PDE4D: variants seen among roughly 807,000 people sequenced by gnomAD.
PDE4D encodes 3',5'-cyclic-AMP phosphodiesterase 4D.
Under a neutral mutation model 87.4 loss-of-function variants are expected in PDE4D, and 24 were observed. The observed-to-expected ratio is 0.27, with a 90% CI of 0.20 to 0.39. The LOEUF is 0.39. Ranked by LOEUF, PDE4D falls within the 10% of genes least tolerant of loss-of-function variation. PDE4D has a pLI of 1.00. For missense variants in PDE4D, 714 were observed against 1,041.0 expected, an observed-to-expected ratio of 0.69 and a Z score of 4.32; for synonymous variants, 384 against 383.2, an observed-to-expected ratio of 1.00 and a Z score of -0.02.
chr5:59,634,303 C>A (rs1294973196), intron 1 of PDE4D, among the ~76,000 whole-genome samples: 1 of 152,174 alleles, frequency 6.6e-6, no homozygotes, highest in Non-Finnish European at 1.5e-5. Flanking sequence ...TTTAACACCC[C>A]ACTGTCAATA....
intron 1 of PDE4D, among the ~76,000 whole-genome samples, chr5:59,222,841 A>G (rs1473109346): frequency 1.3e-5 from 2 of 152,216 alleles, no homozygotes; most frequent in Admixed American, 1.3e-4. Flanking sequence ...ACCTAGCTCT[A>G]GGGCCATTAT....
At chr5:59,257,169 T>C (rs1161666312) in intron 1 of PDE4D, among the ~76,000 whole-genome samples, 1 of 152,086 alleles carries the variant, frequency 6.6e-6, no homozygotes, top group African/African-American at 2.4e-5. Flanking sequence ...TTTTGCTGTT[T>C]TGTGACCAAA....
At chr5:59,289,237 T>C (rs543329547) in intron 1 of PDE4D, among the ~76,000 whole-genome samples, 1 of 152,250 alleles carries the variant, frequency 6.6e-6, no homozygotes, top group African/African-American at 2.4e-5. Flanking sequence ...GTTTTCCCTT[T>C]GCTTGTTAGT....
chr5:60,353,929 C>T (rs913396228), intron 1 of PDE4D, among the ~76,000 whole-genome samples: 1 of 152,036 alleles, frequency 6.6e-6, no homozygotes, highest in Non-Finnish European at 1.5e-5. Context: ...CCACCATTCA[C>T]GGGATCATAT....
intron 5 of PDE4D, among the ~76,000 whole-genome samples, chr5:59,116,768 T>G (rs1321353471): frequency 6.6e-6 from 1 of 151,998 alleles, no homozygotes; most frequent in East Asian, 1.9e-4. Context: ...GAACAAGGAA[T>G]GGTGGGGGTG....
chr5:60,057,102 T>C lies in PDE4D; in HGVS notation c.43-68385A>G, dbSNP rs529194757. ...TCTTGAGTTCTTCTATTGGCTCAGGTATATAATTTCATGCCCACTTATATT... is the reference window on the plus strand; with the variant it reads ...TCTTGAGTTCTTCTATTGGCTCAGGCATATAATTTCATGCCCACTTATATT... On this transcript the variant is annotated intron_variant, in intron 2 of 16. Coordinates refer to the PDE4D transcript ENST00000502484. Among the ~76,000 whole-genome samples the C allele has an allele frequency of 2.0e-5, 3 of 152,170 alleles. No homozygotes were observed. The South Asian group carries it at 6.2e-4, about 32-fold the overall frequency.
chr5:60,045,847 C>T (rs979141102), intron 2 of PDE4D, among the ~76,000 whole-genome samples: 4 of 152,134 alleles, frequency 2.6e-5, no homozygotes, highest in Non-Finnish European at 2.9e-5. Context: ...GTGATGCGGG[C>T]TCTTTTATGG....
At chr5:60,458,591 T>G (rs1746672440) in intron 1 of PDE4D, among the ~76,000 whole-genome samples, 1 of 152,070 alleles carries the variant, frequency 6.6e-6, no homozygotes, top group South Asian at 2.1e-4. Flanking sequence ...AGAAGAGAAT[T>G]AAAATATATC....
chr5:60,049,130 T>G (rs186304953), intron 2 of PDE4D, among the ~76,000 whole-genome samples: 151 of 152,346 alleles, frequency 9.9e-4, no homozygotes, highest in African/African-American at 3.5e-3. Context: ...CTTCCATCGC[T>G]GATACCTTTT....
chr5:59,768,199 C>G, intron 1 of PDE4D: 1 of 1,588,648 alleles, frequency 6.3e-7, no homozygotes, highest in South Asian at 1.1e-5. Context: ...AGCAGGACTC[C>G]CTGAAGGGAA....
At chr5:59,163,272 A>G (rs1266972398) in intron 5 of PDE4D, among the ~76,000 whole-genome samples, 1 of 107,864 alleles carries the variant, frequency 9.3e-6, no homozygotes, top group Admixed American at 1.1e-4. Context: ...TTAAATGAAC[A>G]ATCTTTTTTT....
intron 1 of PDE4D, among the ~76,000 whole-genome samples, chr5:60,304,651 C>CAAAAGAAAAAAAAAAAAA (rs1754299726): frequency 1.7e-5 from 1 of 60,086 alleles, no homozygotes; most frequent in African/African-American, 7.8e-5. Context: ...GACTCCGTCT[C>CAAAAGAAAAAAAAAAAAA]AAAAAAAAAA....
intron 1 of PDE4D, among the ~76,000 whole-genome samples, chr5:59,532,958 C>T (rs1276417572): frequency 6.6e-6 from 1 of 152,134 alleles, no homozygotes; most frequent in Non-Finnish European, 1.5e-5. Context: ...CTCCAAGCCA[C>T]CCTGCTGCCT....
At chr5:60,361,435 G>A (rs1760058948) in intron 1 of PDE4D, among the ~76,000 whole-genome samples, 1 of 152,160 alleles carries the variant, frequency 6.6e-6, no homozygotes, top group South Asian at 2.1e-4. Context: ...GTAACTACAT[G>A]AGGAAAATAA....
chr5:59,672,548 T>C (rs1333753265), intron 1 of PDE4D, among the ~76,000 whole-genome samples: 1 of 152,172 alleles, frequency 6.6e-6, no homozygotes, highest in African/African-American at 2.4e-5. Context: ...ATACCAACAC[T>C]CAATTAAATT....
intron 1 of PDE4D, among the ~76,000 whole-genome samples, chr5:60,257,520 G>A (rs573678919): frequency 3.8e-4 from 58 of 152,052 alleles, no homozygotes; most frequent in Non-Finnish European, 4.7e-4. Flanking sequence ...GTTTTCAAAG[G>A]AGCCCTTAGC....
rs187690115 is a variant in PDE4D at position 59,612,545 on chromosome 5, T to C, written c.455+280623A>G. Reference sequence around the variant, plus strand: ...GTGAACTATGAAATAACTAGGGCTCTTGAGTCGTGGTAGGAGAGATGAAAA... The same window carrying C: ...GTGAACTATGAAATAACTAGGGCTCCTGAGTCGTGGTAGGAGAGATGAAAA... On this transcript the variant is annotated intron_variant, in intron 1 of 14. Coordinates refer to ENST00000340635, the MANE Select transcript of PDE4D (RefSeq NM_001104631.2). 6.6e-4 allele frequency among the ~76,000 whole-genome samples: 100 copies of C among 152,230 alleles called. 1 individual carries two copies. Among genetic ancestry groups the C allele is most frequent in the Admixed American group, 3.1e-3 (47 of 15,286 alleles).
intron 2 of PDE4D, among the ~76,000 whole-genome samples, chr5:60,007,854 T>G (rs1764639558): frequency 6.6e-6 from 1 of 152,030 alleles, no homozygotes; most frequent in African/African-American, 2.4e-5. Context: ...GGTGCTCTGA[T>G]ATAGCTGTAA....
rs762364540 is a variant in PDE4D, at chr5:58,993,466, C to G, written c.922-1G>C. 1 of 1,573,848 alleles carries G rather than the reference C, an allele frequency of 6.4e-7. No homozygotes were observed. The highest frequency in any genetic ancestry group is 8.6e-7 in the Non-Finnish European group (1 of 1,158,400). ...GCTCCCGATTAAGCATCCTTTTAAA[C>G]TGAAAAACAGAAAAGTAAAATGAAA... On this transcript the variant is annotated splice_acceptor_variant, in intron 6 of 14. Transcript: ENST00000340635. LOFTEE classifies it high-confidence loss of function.
Sources: allele counts gnomAD v4.1 joint callset (sites outside exome capture counted in the v4.1 genomes callset), GRCh38; gene constraint gnomAD v4.1.1; transcripts MANE v1.5; gene names NCBI Gene and HGNC (gene_info 2026-07-23, HGNC 2026-07-21).